SMIM20: variants seen among roughly 807,000 people sequenced by gnomAD.
SMIM20 encodes mitochondrial translation regulation assembly intermediate of cytochrome c oxidase protein of 7 kDa.
In SMIM20, 3 loss-of-function variants were observed where a neutral mutation model predicts 8.7. The observed-to-expected ratio is 0.34, with a 90% CI of 0.16 to 0.89. The LOEUF (loss-of-function observed/expected upper bound fraction) is 0.89, where lower values mean the gene tolerates loss of function less well. Among genes scored for constraint, SMIM20 ranks in the 40% least tolerant of loss-of-function variants. SMIM20 has a pLI of 0.49. For missense variants in SMIM20, 85 were observed against 84.8 expected (o/e 1.00, Z -0.01); for synonymous variants, 44 against 33.6 (o/e 1.31, Z -1.07).
At chr4:25,925,421 G>A (rs1719273907) in intron 1 of SMIM20, among the ~76,000 whole-genome samples, 1 of 152,062 alleles carries the variant, frequency 6.6e-6, no homozygotes, top group Non-Finnish European at 1.5e-5. Flanking sequence ...ATTTTTAGTA[G>A]AGATGGGGTT....
intron 1 of SMIM20, among the ~76,000 whole-genome samples, chr4:25,915,583 C>T (rs1192452945): frequency 2.0e-5 from 3 of 152,200 alleles, no homozygotes; most frequent in Non-Finnish European, 4.4e-5. Flanking sequence ...CCACTGTGTT[C>T]TGCCTTCCAG....
At chr4:25,927,931 G>A (rs771505063) in intron 1 of SMIM20, among the ~76,000 whole-genome samples, 9 of 152,156 alleles carry the variant, frequency 5.9e-5, no homozygotes, top group Non-Finnish European at 8.8e-5. Context: ...AAACTACATC[G>A]TTTTCTTAAT....
Position 25,914,232 on chromosome 4 carries a change from G to GA in SMIM20, c.-82_-81insA, listed in dbSNP as rs1237130221. ...AAAGCCTCTCCACCTCTTCCGAGCGGGGTCACGGCCCGGCCGTCGGTAACC... is the reference window on the plus strand; with the variant it reads ...AAAGCCTCTCCACCTCTTCCGAGCGGAGGTCACGGCCCGGCCGTCGGTAACC... On this transcript the variant is annotated 5_prime_UTR_variant, in exon 1 of 3. Coordinates refer to ENST00000506197, the MANE Select transcript of SMIM20 (RefSeq NM_001145432.3). 1 of 1,504,078 alleles carries GA rather than the reference G, an allele frequency of 6.6e-7. No individual in the cohort carries two copies. The highest frequency in any genetic ancestry group is 2.5e-5 in the East Asian group (1 of 40,224). 93.2% of individuals were successfully genotyped at this position (1,504,078 alleles called of 1,614,324 possible). A position where few individuals can be genotyped will look rare whatever the true frequency, so the allele number is the denominator to read the frequency against.
At chr4:25,917,552 A>G (rs1719111175) in intron 1 of SMIM20, among the ~76,000 whole-genome samples, 1 of 152,178 alleles carries the variant, frequency 6.6e-6, no homozygotes, top group Non-Finnish European at 1.5e-5. Flanking sequence ...TCGGATCTTC[A>G]GCTCATTCCA....
chr4:25,917,780 C>T (rs1719115823), intron 1 of SMIM20, among the ~76,000 whole-genome samples: 2 of 152,156 alleles, frequency 1.3e-5, no homozygotes, highest in Admixed American at 6.5e-5. Flanking sequence ...CCACCTACTA[C>T]CCATTCTCTA....
At chr4:25,920,268 C>T (rs574694894) in intron 1 of SMIM20, among the ~76,000 whole-genome samples, 145 of 152,256 alleles carry the variant, frequency 9.5e-4, no homozygotes, top group Middle Eastern at 6.8e-3. Context: ...TGACAGTGGT[C>T]CCATAAGATT....
rs148888761 is a variant in SMIM20, at chr4:25,923,841, C to T, written c.110-4472C>T. ...TCACCACATAATCGAATGAAATGCG[C>T]AGGCAGACTGGGTCTTGTTTTCTAA... is the stretch of plus-strand genomic sequence containing the variant. On this transcript the variant is annotated intron_variant, in intron 1 of 2. Transcript: ENST00000506197. Among the ~76,000 whole-genome samples the T allele has an allele frequency of 3.1e-3, 465 of 152,340 alleles. 6 individuals are homozygous for T. The highest frequency in any genetic ancestry group is 3.6e-3 in the Non-Finnish European group (243 of 68,032).
intron 2 of SMIM20, among the ~76,000 whole-genome samples, 174 bp downstream of exon 2, chr4:25,928,543 C>T (rs1394132914): frequency 2.6e-5 from 4 of 152,172 alleles, no homozygotes; most frequent in Non-Finnish European, 5.9e-5. Context: ...CCACCCAAGG[C>T]GTCATTCTAA....
At chr4:25,920,695 A>G (rs953169882) in intron 1 of SMIM20, among the ~76,000 whole-genome samples, 2 of 152,244 alleles carry the variant, frequency 1.3e-5, no homozygotes, top group African/African-American at 4.8e-5. Context: ...TCACTCACCC[A>G]GAGCAACTTC....
At chr4:25,923,426 G>T (rs565006266) in intron 1 of SMIM20, among the ~76,000 whole-genome samples, 6 of 152,268 alleles carry the variant, frequency 3.9e-5, no homozygotes, top group Middle Eastern at 3.4e-3. Flanking sequence ...AAAATCATAG[G>T]GTTTGACCAG....
intron 1 of SMIM20, among the ~76,000 whole-genome samples, chr4:25,924,172 G>C (rs1030945419): frequency 6.6e-6 from 1 of 152,212 alleles, no homozygotes; most frequent in Non-Finnish European, 1.5e-5. Flanking sequence ...GAGGCAGATG[G>C]TGTATGTATC....
At chr4:25,920,847 G>A (rs1719184264) in intron 1 of SMIM20, among the ~76,000 whole-genome samples, 1 of 152,194 alleles carries the variant, frequency 6.6e-6, no homozygotes, top group African/African-American at 2.4e-5. Flanking sequence ...ACAGTTGCCT[G>A]CAGTATTCAG....
At chr4:25,921,377 A>G (rs1286364682) in intron 1 of SMIM20, among the ~76,000 whole-genome samples, 1 of 152,226 alleles carries the variant, frequency 6.6e-6, no homozygotes, top group Non-Finnish European at 1.5e-5. Context: ...ATTTAAAAAA[A>G]AGAAAAGAAG....
At chr4:25,926,228 G>T (rs970640237) in intron 1 of SMIM20, among the ~76,000 whole-genome samples, 1 of 152,186 alleles carries the variant, frequency 6.6e-6, no homozygotes, top group Non-Finnish European at 1.5e-5. Flanking sequence ...CTGCTAAATC[G>T]TGAGGGACTC....
Position 25,921,011 on chromosome 4 carries a change from T to C in SMIM20, c.109+6589T>C, listed in dbSNP as rs570104321. On this transcript the variant is annotated intron_variant, in intron 1 of 2. Transcript: ENST00000506197. ...TCACCTAAGGACGCATTTCTCAGAA[T>C]GTACTCCCACAGATGAGTGACACAG... Among the ~76,000 whole-genome samples the C allele has an allele frequency of 2.6e-5, 4 of 152,306 alleles. No homozygotes were observed. In the South Asian group the frequency reaches 8.3e-4, roughly 32 times the overall value.
At chr4:25,919,167 G>A (rs1330435547) in intron 1 of SMIM20, among the ~76,000 whole-genome samples, 1 of 151,666 alleles carries the variant, frequency 6.6e-6, no homozygotes, top group East Asian at 1.9e-4. Flanking sequence ...GCCTCCCAAA[G>A]TGCTGGGATT....
intron 2 of SMIM20, 91 bp from the exon 3 acceptor site, chr4:25,929,063 A>T (rs1711583270): frequency 1.4e-6 from 2 of 1,452,290 alleles, no homozygotes; most frequent in South Asian, 2.5e-5. Context: ...TGCACAGCTC[A>T]GTTCTGATGT....
chr4:25,929,587 A>C lies in SMIM20; in HGVS notation c.*396A>C, dbSNP rs555863311. ...TCTTCTGCCATCTTCCAGATAAGAG[A>C]TTTCAGTAAAAAACTGCCATGCTGA... is the stretch of plus-strand genomic sequence containing the variant. On this transcript the variant is annotated 3_prime_UTR_variant, in exon 3 of 3. Transcript: ENST00000506197. The C allele has an allele frequency of 6.0e-6, 1 of 165,340 alleles. No individual in the cohort carries two copies. The highest frequency in any genetic ancestry group is 1.3e-5 in the Non-Finnish European group (1 of 77,118). 10.2% of individuals were successfully genotyped at this position (165,340 alleles called of 1,614,324 possible).
At chr4:25,921,127 A>C (rs1719194911) in intron 1 of SMIM20, among the ~76,000 whole-genome samples, 1 of 152,226 alleles carries the variant, frequency 6.6e-6, no homozygotes, top group Non-Finnish European at 1.5e-5. Context: ...GGAAAAGTCA[A>C]ATCTGGGGAC....
Sources: allele counts gnomAD v4.1 joint callset (sites outside exome capture counted in the v4.1 genomes callset), GRCh38; gene constraint gnomAD v4.1.1; transcripts MANE v1.5; gene names NCBI Gene and HGNC (gene_info 2026-07-23, HGNC 2026-07-21).